SENP6: variants seen among roughly 807,000 people sequenced by gnomAD.
SENP6 encodes sentrin-specific protease 6.
In SENP6, 41 loss-of-function variants were observed where a neutral mutation model predicts 134.5. That is an observed-to-expected ratio of 0.30 (90% CI 0.24 to 0.40). SENP6 has a LOEUF of 0.40. SENP6 is among the 10% of genes least tolerant of loss of function. The pLI is 1.00. For missense variants in SENP6, 1,248 were observed against 1,312.5 expected (o/e 0.95, Z 0.76); for synonymous variants, 395 against 429.8 (o/e 0.92, Z 1.00).
intron 16 of SENP6, among the ~76,000 whole-genome samples, chr6:75,684,976 C>T (rs1196536048): frequency 1.3e-5 from 2 of 152,138 alleles, no homozygotes; most frequent in African/African-American, 4.8e-5. Context: ...AGGAATGATA[C>T]CAGCTCCTCC....
chr6:75,705,598 C>T (rs936189893), intron 19 of SENP6, among the ~76,000 whole-genome samples: 5 of 152,108 alleles, frequency 3.3e-5, no homozygotes, highest in African/African-American at 1.2e-4. Flanking sequence ...TGTTCAAATT[C>T]TTAAATTTGA....
intron 5 of SENP6, among the ~76,000 whole-genome samples, chr6:75,637,718 T>C (rs1307969766): frequency 6.6e-6 from 1 of 152,150 alleles, no homozygotes; most frequent in Non-Finnish European, 1.5e-5. Flanking sequence ...GAAGTCTTTT[T>C]ATCATCTTTA....
At chr6:75,614,822 G>A (rs1447305677) in intron 1 of SENP6, among the ~76,000 whole-genome samples, 1 of 152,164 alleles carries the variant, frequency 6.6e-6, no homozygotes, top group Non-Finnish European at 1.5e-5. Context: ...TTTGCTGAAG[G>A]TTTGGGGAGT....
At chr6:75,621,676 T>C (rs745508415) in intron 2 of SENP6, 51 bp downstream of exon 2, 2 of 1,074,074 alleles carry the variant, frequency 1.9e-6, no homozygotes, top group Non-Finnish European at 2.8e-6. Flanking sequence ...AACTTCTCAT[T>C]AGAAAAACAA....
chr6:75,702,760 A>C lies in SENP6; in HGVS notation c.2404A>C (p.Ser802Arg). ...ACAGAAATGTTCAACTGTAGAGGAC[A>C]GTTGTATTTCTTCTTCAGCCAGTGA... The part of the protein sequence containing the change: ...VIQKCSTVED[S>R]CISSSASEME... The change falls in exon 19 of 24, where the codon AGT becomes CGT. Residue 802 changes from serine to arginine, a missense_variant. Ser to Arg is a moderately radical substitution (Grantham distance 110). Around this residue, in one of 3 missense-constraint regions of SENP6, gnomAD observed 386 missense variants for 395.0 expected, o/e 0.98. Coordinates refer to ENST00000447266, the MANE Select transcript of SENP6 (RefSeq NM_015571.4). The C allele has an allele frequency of 6.2e-7, 1 of 1,614,136 alleles. No homozygotes were observed. The highest frequency in any genetic ancestry group is 8.5e-7 in the Non-Finnish European group (1 of 1,180,000).
At chr6:75,706,309 T>G (rs1211416638) in intron 19 of SENP6, among the ~76,000 whole-genome samples, 2 of 152,102 alleles carry the variant, frequency 1.3e-5, no homozygotes, top group Non-Finnish European at 2.9e-5. Context: ...TAAAAAACAT[T>G]AGACTGTATG....
At chr6:75,708,269 C>A (rs1775535783) in intron 19 of SENP6, among the ~76,000 whole-genome samples, 1 of 152,098 alleles carries the variant, frequency 6.6e-6, no homozygotes, top group Non-Finnish European at 1.5e-5. Context: ...ACCATGTTAG[C>A]CAGTCTGGAT....
At chr6:75,603,884 A>G (rs1250501590) in intron 1 of SENP6, among the ~76,000 whole-genome samples, 1 of 152,186 alleles carries the variant, frequency 6.6e-6, no homozygotes, top group African/African-American at 2.4e-5. Flanking sequence ...GAGATTTCCT[A>G]GTAAGAGTAA....
At chr6:75,712,756 A>G (rs145329416) in intron 21 of SENP6, among the ~76,000 whole-genome samples, 7 of 152,242 alleles carry the variant, frequency 4.6e-5, no homozygotes, top group African/African-American at 1.7e-4. Flanking sequence ...GTTCTAAACT[A>G]ATTATTTCAT....
intron 8 of SENP6, among the ~76,000 whole-genome samples, chr6:75,661,263 C>G (rs995477605): frequency 2.6e-5 from 4 of 152,208 alleles, no homozygotes; most frequent in Admixed American, 6.5e-5. Flanking sequence ...CCCATCACCC[C>G]TGGTGTATTT....
At chr6:75,682,776 G>A (rs570931321) in intron 16 of SENP6, among the ~76,000 whole-genome samples, 2 of 152,270 alleles carry the variant, frequency 1.3e-5, no homozygotes, top group African/African-American at 4.8e-5. Flanking sequence ...TGGTGTATAT[G>A]TGCCACATTT....
chr6:75,631,054 ACATTTAT>A (rs1419205949), intron 3 of SENP6, among the ~76,000 whole-genome samples: 1 of 151,984 alleles, frequency 6.6e-6, no homozygotes, highest in African/African-American at 2.4e-5. Flanking sequence ...GATTTCAATG[ACATTTAT>A]CATTTATAGA....
chr6:75,692,339 G>T (rs1774336175), intron 16 of SENP6, among the ~76,000 whole-genome samples: 1 of 152,082 alleles, frequency 6.6e-6, no homozygotes, highest in Admixed American at 6.6e-5. Context: ...CATAAATTAG[G>T]CCAGGTGCAG....
At position 75,699,506 on chromosome 6, in the gene SENP6, G is replaced by A. The variant is rs566675506; in HGVS notation, c.2288+1989G>A. On this transcript the variant is annotated intron_variant, in intron 18 of 23. Transcript: ENST00000447266. ...TTCTTTTCTTTCTTTCTTTTTTCTCGAGATAGGGTCTCTGTCTGTCACTCA... is the reference window on the plus strand; with the variant it reads ...TTCTTTTCTTTCTTTCTTTTTTCTCAAGATAGGGTCTCTGTCTGTCACTCA... 4.0e-5 allele frequency among the ~76,000 whole-genome samples: 6 copies of A among 150,430 alleles called. No homozygotes were observed. In the South Asian group the frequency reaches 1.3e-3, roughly 31 times the overall value.
intron 8 of SENP6, among the ~76,000 whole-genome samples, chr6:75,662,167 G>C (rs1235050847): frequency 4.6e-5 from 7 of 152,182 alleles, no homozygotes; most frequent in Non-Finnish European, 8.8e-5. Flanking sequence ...ATTAAGTGCA[G>C]TTGGTTATTT....
chr6:75,716,706 A>T lies in SENP6; in HGVS notation c.*1112A>T, dbSNP rs1776035975. The stretch of plus-strand genomic sequence containing the variant: ...TGCATGTATCTGCAGAAACTTCATT[A>T]TTTTTCAAATGAAATGGTGTATACT... On this transcript the variant is annotated 3_prime_UTR_variant, in exon 24 of 24. Transcript: ENST00000447266. 6.6e-6 allele frequency: 1 copy of T among 151,946 alleles called. No homozygotes were observed. The highest frequency in any genetic ancestry group is 2.1e-4 in the South Asian group (1 of 4,826). The allele number at this position is 151,946 out of a possible 1,614,324, so 9.4% of individuals were successfully genotyped here. A position where few individuals can be genotyped will look rare whatever the true frequency, so the allele number is the denominator to read the frequency against.
intron 1 of SENP6, among the ~76,000 whole-genome samples, chr6:75,607,302 A>C (rs183934912): frequency 0.021 from 2,994 of 145,570 alleles, 107 homozygotes; most frequent in African/African-American, 0.07. Flanking sequence ...CCTGCCACCC[A>C]AAAAAAAAAA....
At chr6:75,610,517 C>G (rs1767363686) in intron 1 of SENP6, among the ~76,000 whole-genome samples, 1 of 152,220 alleles carries the variant, frequency 6.6e-6, no homozygotes, top group Admixed American at 6.5e-5. Flanking sequence ...CCATTTGACA[C>G]TAAAAACAGG....
intron 5 of SENP6, among the ~76,000 whole-genome samples, chr6:75,640,195 A>T (rs1010056108): frequency 4.6e-5 from 7 of 152,246 alleles, no homozygotes; most frequent in South Asian, 2.1e-4. Flanking sequence ...AACCAGGTGT[A>T]GTATACAGAG....
Sources: allele counts gnomAD v4.1 joint callset (sites outside exome capture counted in the v4.1 genomes callset), GRCh38; gene constraint gnomAD v4.1.1; regional missense constraint gnomAD v4.1.1; transcripts MANE v1.5; gene names NCBI Gene and HGNC (gene_info 2026-07-23, HGNC 2026-07-21).